Variants in CFLAR observed in about 807,000 individuals in gnomAD.
CFLAR encodes the protein CASP8 and FADD-like apoptosis regulator.
CFLAR carries 14 observed loss-of-function variants against 51.1 expected under a neutral mutation model. The ratio of observed to expected loss-of-function variants is 0.27; its 90% CI spans 0.18 to 0.43. The LOEUF is 0.43. Among genes scored for constraint, CFLAR ranks in the 20% least tolerant of loss-of-function variants. The probability of loss-of-function intolerance (pLI) is 1.00; values close to 1 mark genes in which losing one functional copy is unlikely to be tolerated. For synonymous variants in CFLAR, 210 were observed against 211.6 expected (o/e 0.99, Z 0.06); for missense variants, 390 against 566.5 (o/e 0.69, Z 3.16).
At position 201,160,676 on chromosome 2, in the gene CFLAR, T is replaced by C. The variant is rs529708703; in HGVS notation, c.1038T>C (p.Pro346=). 21 of 1,614,122 alleles carry C rather than the reference T, an allele frequency of 1.3e-5. No individual in the cohort carries two copies. The South Asian group carries it at 2.2e-4, about 17-fold the overall frequency. Residue 346 remains proline (P), a synonymous_variant, in exon 9 of 10, where the codon CCT becomes CCC. Coordinates refer to ENST00000309955, the MANE Select transcript of CFLAR (RefSeq NM_003879.7). ...IRRMFMGDSC[P]YLAGKPKMFF... is the part of the protein sequence containing the mutation. ...GGATGTTCATGGGAGATTCATGCCC[T>C]TATCTAGCAGGGAAGCCAAAGATGT... is the stretch of plus-strand genomic sequence containing the variant.
chr2:201,157,565 C>T (rs115897576), intron 8 of CFLAR, among the ~76,000 whole-genome samples: 1,763 of 151,950 alleles, frequency 0.012, 16 homozygotes, highest in Middle Eastern at 0.062. Flanking sequence ...TTTGTAGAGA[C>T]GGGGTTCCCT....
intron 1 of CFLAR, among the ~76,000 whole-genome samples, chr2:201,128,386 C>T (rs2048913628): frequency 6.6e-6 from 1 of 152,136 alleles, no homozygotes; most frequent in South Asian, 2.1e-4. Flanking sequence ...TCATTGAGCA[C>T]ATTTAATTTT....
In CFLAR at chr2:201,160,938, G is replaced by A; in HGVS notation, c.1300G>A (p.Glu434Lys). Residue 434 changes from glutamate to lysine, a missense_variant, in exon 9 of 10, where the codon GAA (glutamate) becomes AAA (lysine). This residue lies in a region of CFLAR where 287 missense variants were observed against 363.6 expected (regional missense o/e 0.79). Coordinates refer to ENST00000309955, the MANE Select transcript of CFLAR (RefSeq NM_003879.7). ...GTGCCTCTCCCAGAAACTGAGACAA[G>A]AAAGGTGAGCCCCCAGGAGGTGGTC... ...LQCLSQKLRQ[E>K]RKRPLLDLHI... 1 of 1,611,030 alleles carries A rather than the reference G, an allele frequency of 6.2e-7. No individual in the cohort carries two copies. The highest frequency in any genetic ancestry group is 1.7e-5 in the Admixed American group (1 of 59,920).
At chr2:201,145,278 C>T in intron 5 of CFLAR, 100 bp from the exon 6 acceptor site, 7 of 649,880 alleles carry the variant, frequency 1.1e-5, no homozygotes, top group South Asian at 2.2e-5. Context: ...TATTTTTTTC[C>T]TGAGTTAAGA....
At chr2:201,127,030 A>T (rs2048779287) in intron 1 of CFLAR, among the ~76,000 whole-genome samples, 1 of 152,238 alleles carries the variant, frequency 6.6e-6, no homozygotes, top group Non-Finnish European at 1.5e-5. Flanking sequence ...TAGTCATTAA[A>T]TTAGAATATG....
intron 7 of CFLAR, 45 bp from the exon 8 acceptor site, chr2:201,149,709 A>G: frequency 1.4e-6 from 2 of 1,468,288 alleles, no homozygotes; most frequent in Non-Finnish European, 1.9e-6. Flanking sequence ...TTATAGAAAC[A>G]GAGCAATATC....
chr2:201,144,420 G>T (rs1026932299), intron 5 of CFLAR: 6 of 152,230 alleles, frequency 3.9e-5, no homozygotes, highest in African/African-American at 1.4e-4. Context: ...TGTTGCTTAT[G>T]TGTAGCTAGG....
intron 2 of CFLAR, among the ~76,000 whole-genome samples, chr2:201,131,580 G>A (rs2049329793): frequency 6.6e-6 from 1 of 152,204 alleles, no homozygotes; most frequent in African/African-American, 2.4e-5. Context: ...TGTTGATAAT[G>A]TGTATTTGGA....
rs910003915 is a variant in CFLAR at position 201,172,610 on chromosome 2, T to C, written c.*8637T>C. 6.6e-6 allele frequency: 1 copy of C among 152,208 alleles called. No homozygotes were observed. Among genetic ancestry groups the C allele is most frequent in the Admixed American group, 6.5e-5 (1 of 15,280 alleles). The allele number at this position is 152,208 out of a possible 1,614,324, so 9.4% of individuals were successfully genotyped here. On this transcript the variant is annotated 3_prime_UTR_variant, in exon 10 of 10. Transcript: ENST00000309955. ...AGCCTCTAGAAACAATAATCCATTT[T>C]CTGTCTCTATGATTTGCCTGTTCTA... is the stretch of plus-strand genomic sequence containing the variant.
chr2:201,169,142 C>T lies in CFLAR; in HGVS notation c.*5169C>T, dbSNP rs1029745060. The T allele has an allele frequency of 6.6e-6, 1 of 152,042 alleles. No homozygotes were observed. Among genetic ancestry groups the T allele is most frequent in the African/African-American group, 2.4e-5 (1 of 41,378 alleles). 9.4% of individuals were successfully genotyped at this position (152,042 alleles called of 1,614,324 possible). A position where few individuals can be genotyped will look rare whatever the true frequency, so the allele number is the denominator to read the frequency against. ...AATTCAAATGGAACCAAAAAAGAGC[C>T]CGTATAACCAAGACAACAATAAGCA... is the stretch of plus-strand genomic sequence containing the variant. On this transcript the variant is annotated 3_prime_UTR_variant, in exon 10 of 10. Coordinates refer to ENST00000309955, the MANE Select transcript of CFLAR (RefSeq NM_003879.7).
intron 2 of CFLAR, 26 bp downstream of exon 2, chr2:201,130,172 T>TGGGGG: frequency 1.3e-5 from 1 of 78,068 alleles, no homozygotes; most frequent in Non-Finnish European, 3.0e-5. Context: ...TTCCTGAGGC[T>TGGGGG]GGGTGGGTGG....
In CFLAR at chr2:201,157,362, A is replaced by G. The variant is rs561217278; in HGVS notation, c.794-3070A>G. On this transcript the variant is annotated intron_variant, in intron 8 of 9. Transcript: ENST00000309955. ...CGCCATGTTGCCCAGGCTGGTCTCAAACTCTGCAGCTCAAGCAATCCACCC... is the reference window on the plus strand; with the variant it reads ...CGCCATGTTGCCCAGGCTGGTCTCAGACTCTGCAGCTCAAGCAATCCACCC... Among the ~76,000 whole-genome samples the G allele has an allele frequency of 2.6e-5, 4 of 152,224 alleles. 1 individual carries two copies. Among genetic ancestry groups the G allele is most frequent in the Admixed American group, 2.6e-4 (4 of 15,286 alleles).
intron 6 of CFLAR, 119 bp downstream of exon 6, chr2:201,145,551 A>G (rs1939959244): frequency 1.4e-6 from 1 of 703,176 alleles, no homozygotes; most frequent in African/African-American, 1.8e-5. Context: ...AGCTCTCAAA[A>G]TAAAAACTGG....
intron 9 of CFLAR, among the ~76,000 whole-genome samples, chr2:201,161,945 A>C (rs1943085907): frequency 6.6e-6 from 1 of 151,202 alleles, no homozygotes; most frequent in Admixed American, 6.6e-5. Flanking sequence ...CAGGGTTTCC[A>C]CCATGTTGGC....
rs369412973 is a variant in CFLAR, at chr2:201,124,457, C to T, written c.-137-5272C>T. ...TCAAGAGACTTTTGTGCCTCAACCC[C>T]TCGAGTAGCTGGGATTACAGACATG... On this transcript the variant is annotated intron_variant, in intron 1 of 9. Coordinates refer to ENST00000309955, the MANE Select transcript of CFLAR (RefSeq NM_003879.7). This position sits in a 1 kb window ranked among gnomAD's most constrained non-coding sequence, Gnocchi z 4.7. Among the ~76,000 whole-genome samples, 8 of 152,286 alleles carry T rather than the reference C, an allele frequency of 5.3e-5. No individual in the cohort carries two copies. The East Asian group carries it at 1.3e-3, about 26-fold the overall frequency.
Position 201,175,190 on chromosome 2 carries a change from C to T in CFLAR, c.*11217C>T, listed in dbSNP as rs1944151658. The T allele has an allele frequency of 6.6e-6, 1 of 152,188 alleles. No individual in the cohort carries two copies. The highest frequency in any genetic ancestry group is 1.5e-5 in the Non-Finnish European group (1 of 68,054). 9.4% of individuals were successfully genotyped at this position (152,188 alleles called of 1,614,324 possible). A position where few individuals can be genotyped will look rare whatever the true frequency, so the allele number is the denominator to read the frequency against. On this transcript the variant is annotated 3_prime_UTR_variant, in exon 10 of 10. Coordinates refer to ENST00000309955, the MANE Select transcript of CFLAR (RefSeq NM_003879.7). ...AGGGCTACTCTTCCTATGGGGTAGCCATTCTTTTATTCCTTTACTTTCTTA... is the reference window on the plus strand; with the variant it reads ...AGGGCTACTCTTCCTATGGGGTAGCTATTCTTTTATTCCTTTACTTTCTTA...
chr2:201,126,367 A>G (rs1482041256), intron 1 of CFLAR, among the ~76,000 whole-genome samples: 1 of 152,140 alleles, frequency 6.6e-6, no homozygotes, highest in Non-Finnish European at 1.5e-5. Context: ...AGAACTGCGG[A>G]TATTGCTGGC....
chr2:201,155,228 T>A (rs1171366136), intron 8 of CFLAR, among the ~76,000 whole-genome samples: 1 of 151,924 alleles, frequency 6.6e-6, no homozygotes, highest in Non-Finnish European at 1.5e-5. Context: ...GGCCCTTGAA[T>A]AAAAATAAAA....
intron 8 of CFLAR, 38 bp from the exon 9 acceptor site, chr2:201,160,394 C>T: frequency 6.3e-7 from 1 of 1,593,370 alleles, no homozygotes; most frequent in Non-Finnish European, 8.5e-7. Context: ...CTCCTCACTC[C>T]AGTGTTGTTT....
Sources: gnomAD v4.1 joint callset for allele counts (sites outside exome capture counted in the v4.1 genomes callset) on GRCh38, gnomAD v4.1.1 for gene constraint, gnomAD v4.1.1 regional missense constraint, Gnocchi (gnomAD v3.1) non-coding constraint, MANE v1.5 for transcripts, NCBI Gene and HGNC (gene_info 2026-07-23, HGNC 2026-07-21) for gene names.